Variants in ZNF174 observed in about 807,000 individuals in gnomAD.
ZNF174 encodes zinc finger protein 174.
ZNF174 carries 30 observed loss-of-function variants against 38.7 expected under a neutral mutation model. The ratio of observed to expected loss-of-function variants is 0.78; its 90% CI spans 0.58 to 1.05. The LOEUF is 1.05. Ranked by LOEUF, ZNF174 falls within the 50% of genes least tolerant of loss-of-function variation. The pLI, the probability that ZNF174 is intolerant of heterozygous loss-of-function variation, is 0.00. For synonymous variants in ZNF174, 201 were observed against 181.7 expected, an observed-to-expected ratio of 1.11 and a Z score of -0.86; for missense variants, 499 against 495.6, an observed-to-expected ratio of 1.01 and a Z score of -0.06.
At chr16:3,405,526 C>G (rs762651145) in intron 2 of ZNF174, among the ~76,000 whole-genome samples, 14 of 152,150 alleles carry the variant, frequency 9.2e-5, no homozygotes, top group Non-Finnish European at 1.8e-4. Flanking sequence ...CATGAAGGCA[C>G]TAATCCCATT....
chr16:3,402,278 G>A lies in ZNF174; in HGVS notation c.274G>A (p.Glu92Lys). Residue 92 changes from glutamate (E) to lysine (K), a missense_variant, in exon 1 of 3, where the codon GAG becomes AAG. By Grantham distance (56) the Glu-to-Lys change is moderately conservative. Transcript: ENST00000268655. ...KEQILELLVM[E>K]QFLTILPPEI... ...GCAGATTTTGGAGCTTCTGGTGATG[G>A]AGCAGTTCCTGACCATCCTGCCCCC... 2 of 1,614,046 alleles carry A rather than the reference G, an allele frequency of 1.2e-6. No homozygotes were observed. Among genetic ancestry groups the A allele is most frequent in the Non-Finnish European group, 1.7e-6 (2 of 1,180,010 alleles).
chr16:3,404,365 TGA>T, intron 1 of ZNF174, 59 bp from the exon 2 acceptor site: 2 of 1,493,290 alleles, frequency 1.3e-6, no homozygotes, highest in Non-Finnish European at 1.8e-6. Context: ...TATACAACAG[TGA>T]GAGATCAAGC....
chr16:3,405,480 G>A (rs930892197), intron 2 of ZNF174, among the ~76,000 whole-genome samples: 1 of 152,130 alleles, frequency 6.6e-6, no homozygotes, highest in African/African-American at 2.4e-5. Context: ...GTCCTCATGT[G>A]GCAGAAGGGG....
At position 3,402,156 on chromosome 16, in the gene ZNF174, G is replaced by T; in HGVS notation, c.152G>T (p.Arg51Leu). The T allele has an allele frequency of 6.2e-7, 1 of 1,613,098 alleles. No homozygotes were observed. Among genetic ancestry groups the T allele is most frequent in the Non-Finnish European group, 8.5e-7 (1 of 1,179,136 alleles). The change falls in exon 1 of 3, where the codon CGC (arginine) becomes CTC (leucine). Residue 51 changes from arginine (R) to leucine (L), a missense_variant. Physicochemically the swap from Arg to Leu is moderately radical, Grantham distance 102 (BLOSUM62 -2). Coordinates refer to ENST00000268655, the MANE Select transcript of ZNF174 (RefSeq NM_003450.3). ...GAGCTCTGCCGCCAGAGCTTCAGAC[G>T]CTTTTGTTATCAAGAGGTGTCTGGA... ...DPELCRQSFRRFCYQEVSGPQ... is the reference protein window; with the variant it reads ...DPELCRQSFRLFCYQEVSGPQ...
chr16:3,408,191 T>C (rs1161810284), intron 2 of ZNF174, 130 bp from the exon 3 acceptor site: 2 of 859,300 alleles, frequency 2.3e-6, no homozygotes, highest in Non-Finnish European at 3.7e-6. Context: ...TAACAAGTGC[T>C]CCAGATGAGT....
chr16:3,406,866 A>C (rs555137666), intron 2 of ZNF174, among the ~76,000 whole-genome samples: 20 of 152,146 alleles, frequency 1.3e-4, no homozygotes, highest in Admixed American at 1.3e-3. Context: ...ATGTACAGCT[A>C]TGGTTTCTTC....
chr16:3,404,618 C>A lies in ZNF174; in HGVS notation c.595C>A (p.Gln199Lys), dbSNP rs2034025300. The A allele has an allele frequency of 6.2e-7, 1 of 1,614,116 alleles. No homozygotes were observed. Among genetic ancestry groups the A allele is most frequent in the Admixed American group, 1.7e-5 (1 of 60,016 alleles). Residue 199 changes from glutamine (Q) to lysine (K), a missense_variant, in exon 2 of 3, where the codon CAA becomes AAA. By Grantham distance (53) the Gln-to-Lys change is moderately conservative. Coordinates refer to ENST00000268655, the MANE Select transcript of ZNF174 (RefSeq NM_003450.3). ...PHHWEKSPLL[Q>K]EPTPKLAGTE... Reference sequence around the variant, plus strand: ...TCATTGGGAGAAATCCCCACTCCTCCAAGAACCAACCCCCAAATTGGCTGG... The same window carrying A: ...TCATTGGGAGAAATCCCCACTCCTCAAAGAACCAACCCCCAAATTGGCTGG...
At position 3,409,093 on chromosome 16, in the gene ZNF174, C is replaced by A. The variant is rs902876046; in HGVS notation, c.*174C>A. 2 of 683,340 alleles carry A rather than the reference C, an allele frequency of 2.9e-6. No individual in the cohort carries two copies. Among genetic ancestry groups the A allele is most frequent in the South Asian group, 3.8e-5 (2 of 53,196 alleles). The allele number at this position is 683,340 out of a possible 1,614,324, so 42.3% of individuals were successfully genotyped here. A position where few individuals can be genotyped will look rare whatever the true frequency, so the allele number is the denominator to read the frequency against. The stretch of plus-strand genomic sequence containing the variant: ...CCAGAAAAGGCCAACCAGGGCCCAA[C>A]CGTGCATGATGACAGGGTGAAGAGA... On this transcript the variant is annotated 3_prime_UTR_variant, in exon 3 of 3. Coordinates refer to ENST00000268655, the MANE Select transcript of ZNF174 (RefSeq NM_003450.3).
intron 2 of ZNF174, among the ~76,000 whole-genome samples, chr16:3,405,242 C>T (rs2034038574): frequency 6.6e-6 from 1 of 152,208 alleles, no homozygotes; most frequent in Non-Finnish European, 1.5e-5. Context: ...AGGAGGGTTA[C>T]AAGACGACAA....
chr16:3,401,972 T>G lies in ZNF174; in HGVS notation c.-33T>G. ...TCATGATCCCAAAGGCTTAACCCGT[T>G]TACAAGGAGAGAGTTGTCTCCTGAC... On this transcript the variant is annotated 5_prime_UTR_variant, in exon 1 of 3. Coordinates refer to ENST00000268655, the MANE Select transcript of ZNF174 (RefSeq NM_003450.3). The G allele has an allele frequency of 6.2e-7, 1 of 1,602,956 alleles. No homozygotes were observed. The highest frequency in any genetic ancestry group is 8.5e-7 in the Non-Finnish European group (1 of 1,177,658).
intron 1 of ZNF174, 30 bp from the exon 2 acceptor site, chr16:3,404,396 A>G (rs769417915): frequency 6.4e-7 from 1 of 1,566,262 alleles, no homozygotes; most frequent in Non-Finnish European, 8.7e-7. Context: ...GTCCTGATGG[A>G]TGGAATTAAT....
At position 3,401,879 on chromosome 16, in the gene ZNF174, T is replaced by C; in HGVS notation, c.-126T>C. 1 of 1,214,628 alleles carries C rather than the reference T, an allele frequency of 8.2e-7. No individual in the cohort carries two copies. The highest frequency in any genetic ancestry group is 2.4e-5 in the East Asian group (1 of 42,306). The allele number at this position is 1,214,628 out of a possible 1,614,324, so 75.2% of individuals were successfully genotyped here. On this transcript the variant is annotated 5_prime_UTR_variant, in exon 1 of 3. Coordinates refer to ENST00000268655, the MANE Select transcript of ZNF174 (RefSeq NM_003450.3). ...AGTGAGGCTTTGTCTCTGCATCCCG[T>C]TCCCCCTAACATCCTCAGAGAACCT...
rs1347386472 is a variant in ZNF174 at position 3,409,327 on chromosome 16, A to G, written c.*408A>G. 5.9e-6 allele frequency: 1 copy of G among 170,096 alleles called. No homozygotes were observed. The highest frequency in any genetic ancestry group is 1.3e-5 in the Non-Finnish European group (1 of 77,262). 10.5% of individuals were successfully genotyped at this position (170,096 alleles called of 1,614,324 possible). The stretch of plus-strand genomic sequence containing the variant: ...TCATACCAGACAATTTTTTATCATG[A>G]GCACACTTCTTTAATAAAGATGAGT... On this transcript the variant is annotated 3_prime_UTR_variant, in exon 3 of 3. Coordinates refer to ENST00000268655, the MANE Select transcript of ZNF174 (RefSeq NM_003450.3).
rs541817149 is a variant in ZNF174 at position 3,401,936 on chromosome 16, C to A, written c.-69C>A. The A allele has an allele frequency of 5.8e-6, 9 of 1,553,606 alleles. No individual in the cohort carries two copies. In the African/African-American group the frequency reaches 1.2e-4, roughly 22 times the overall value. Reference sequence around the variant, plus strand: ...CTAGAATCTTTCTAGTATTCAGAGACTTCTCCAGGGTCATGATCCCAAAGG... The same window carrying A: ...CTAGAATCTTTCTAGTATTCAGAGAATTCTCCAGGGTCATGATCCCAAAGG... On this transcript the variant is annotated 5_prime_UTR_variant, in exon 1 of 3. Transcript: ENST00000268655.
At chr16:3,403,290 C>T (rs1567340117) in intron 1 of ZNF174, among the ~76,000 whole-genome samples, 1 of 147,474 alleles carries the variant, frequency 6.8e-6, no homozygotes, top group African/African-American at 2.5e-5. Flanking sequence ...AGGTCTCAGC[C>T]TCCTGAGTAG....
chr16:3,408,186 A>G (rs1448410259), intron 2 of ZNF174, 135 bp from the exon 3 acceptor site: 11 of 817,820 alleles, frequency 1.3e-5, no homozygotes, highest in African/African-American at 1.7e-5. Flanking sequence ...TTGTTTAACA[A>G]GTGCTCCAGA....
intron 2 of ZNF174, among the ~76,000 whole-genome samples, chr16:3,407,082 A>G (rs962384563): frequency 3.3e-5 from 5 of 152,226 alleles, no homozygotes; most frequent in African/African-American, 1.2e-4. Flanking sequence ...TTTGTTGCTC[A>G]TAGTTCCTGG....
chr16:3,403,339 T>C (rs1207440715), intron 1 of ZNF174, among the ~76,000 whole-genome samples: 3 of 151,654 alleles, frequency 2.0e-5, no homozygotes, highest in African/African-American at 7.3e-5. Context: ...CCAGCTAATT[T>C]TTGTACTTTT....
At chr16:3,403,444 T>C (rs2150923110) in intron 1 of ZNF174, among the ~76,000 whole-genome samples, 2 of 151,856 alleles carry the variant, frequency 1.3e-5, no homozygotes, top group Middle Eastern at 3.4e-3. Flanking sequence ...GTGCTGGGAT[T>C]ACAGGCGTGA....
Sources: gnomAD v4.1 joint callset for allele counts (sites outside exome capture counted in the v4.1 genomes callset) on GRCh38, gnomAD v4.1.1 for gene constraint, MANE v1.5 for transcripts, NCBI Gene and HGNC (gene_info 2026-07-23, HGNC 2026-07-21) for gene names.